KCNK1: variants seen among roughly 807,000 people sequenced by gnomAD.
KCNK1 encodes potassium two pore domain channel subfamily K member 1.
KCNK1 carries 10 observed loss-of-function variants against 22.2 expected under a neutral mutation model. That is an observed-to-expected ratio of 0.45 (90% CI 0.28 to 0.76). The LOEUF (loss-of-function observed/expected upper bound fraction) is 0.76, where lower values mean the gene tolerates loss of function less well. Among genes scored for constraint, KCNK1 ranks in the 30% least tolerant of loss-of-function variants. KCNK1 has a pLI of 0.14. For synonymous variants in KCNK1, 200 were observed against 186.4 expected, an observed-to-expected ratio of 1.07 and a Z score of -0.60; for missense variants, 378 against 421.0, an observed-to-expected ratio of 0.90 and a Z score of 0.89.
intron 1 of KCNK1, among the ~76,000 whole-genome samples, chr1:233,654,957 C>T (rs1658264169): frequency 6.6e-6 from 1 of 152,206 alleles, no homozygotes; most frequent in South Asian, 2.1e-4. Context: ...AGAGCCCTTA[C>T]TAGAGCAACA....
chr1:233,617,459 T>C (rs539547502), intron 1 of KCNK1, among the ~76,000 whole-genome samples: 7 of 152,330 alleles, frequency 4.6e-5, no homozygotes, highest in Admixed American at 3.9e-4. Context: ...GCCGGGGAAC[T>C]TATAATAAAA....
At chr1:233,629,612 A>G (rs1439494382) in intron 1 of KCNK1, 1 of 152,154 alleles carries the variant, frequency 6.6e-6, no homozygotes, top group African/African-American at 2.4e-5. Flanking sequence ...ACCGTGATAA[A>G]TAGCCTGTCC....
chr1:233,656,443 A>G (rs944755359), intron 1 of KCNK1, among the ~76,000 whole-genome samples: 22 of 152,286 alleles, frequency 1.4e-4, no homozygotes, highest in Non-Finnish European at 2.6e-4. Flanking sequence ...AGGTTACTGC[A>G]GGCAGTGTCA....
intron 1 of KCNK1, among the ~76,000 whole-genome samples, chr1:233,651,240 A>G (rs1190386164): frequency 6.6e-6 from 1 of 152,202 alleles, no homozygotes; most frequent in Admixed American, 6.5e-5. Flanking sequence ...AGTTGCCTGC[A>G]CAGCATCTAT....
At chr1:233,631,127 G>A (rs16859332) in intron 1 of KCNK1, 12,980 of 402,508 alleles carry the variant, frequency 0.032, 373 homozygotes, top group African/African-American at 0.1. Flanking sequence ...GGAAAAGACC[G>A]TGCCTCATCT....
intron 2 of KCNK1, among the ~76,000 whole-genome samples, 191 bp from the exon 3 acceptor site, chr1:233,671,080 T>A (rs372188067): frequency 6.6e-6 from 1 of 152,220 alleles, no homozygotes; most frequent in East Asian, 1.9e-4. Context: ...CTTCATTGTC[T>A]TTCACTCTTT....
intron 1 of KCNK1, among the ~76,000 whole-genome samples, chr1:233,661,048 A>G (rs183410743): frequency 1.3e-4 from 20 of 152,310 alleles, no homozygotes; most frequent in South Asian, 4.1e-4. Context: ...AAGGTTCACA[A>G]TTATTCTGCA....
intron 1 of KCNK1, among the ~76,000 whole-genome samples, chr1:233,656,714 C>A (rs1279623751): frequency 6.6e-6 from 1 of 152,290 alleles, no homozygotes; most frequent in East Asian, 1.9e-4. Flanking sequence ...AACCTCCCAG[C>A]CTCAATTGAT....
At chr1:233,641,507 A>T (rs1657998737) in intron 1 of KCNK1, among the ~76,000 whole-genome samples, 1 of 152,200 alleles carries the variant, frequency 6.6e-6, no homozygotes, top group African/African-American at 2.4e-5. Context: ...AATGGCTTAA[A>T]TTTATAGGAG....
intron 1 of KCNK1, chr1:233,655,861 A>G (rs1290980587): frequency 6.6e-6 from 1 of 151,628 alleles, no homozygotes; most frequent in Admixed American, 6.6e-5. Flanking sequence ...CAGCTTGAAC[A>G]GACTAAGATA....
At chr1:233,654,102 G>A (rs1280388317) in intron 1 of KCNK1, among the ~76,000 whole-genome samples, 1 of 151,922 alleles carries the variant, frequency 6.6e-6, no homozygotes, top group African/African-American at 2.4e-5. Context: ...ATCATGAACA[G>A]AACGTTGGCA....
chr1:233,619,168 C>G (rs1487442308), intron 1 of KCNK1, among the ~76,000 whole-genome samples: 2 of 152,108 alleles, frequency 1.3e-5, no homozygotes, highest in Admixed American at 1.3e-4. Flanking sequence ...CAGGCGCACA[C>G]CACCGCACCT....
chr1:233,650,482 A>T (rs544571543), intron 1 of KCNK1, among the ~76,000 whole-genome samples: 3 of 152,292 alleles, frequency 2.0e-5, no homozygotes, highest in Admixed American at 2.0e-4. Context: ...AGCTAGGAAG[A>T]GTGTGGCCAA....
chr1:233,637,148 A>T (rs1309327703), intron 1 of KCNK1: 1 of 146,854 alleles, frequency 6.8e-6, no homozygotes, highest in African/African-American at 2.5e-5. Flanking sequence ...GTGAGCCAAG[A>T]TCGTGCCACT....
chr1:233,670,238 T>C (rs962008450), intron 2 of KCNK1, among the ~76,000 whole-genome samples: 8 of 152,170 alleles, frequency 5.3e-5, no homozygotes, highest in African/African-American at 1.9e-4. Context: ...ATTTTCCCAG[T>C]AACAAACTGG....
intron 1 of KCNK1, among the ~76,000 whole-genome samples, chr1:233,656,948 C>CTT (rs1290396525): frequency 4.6e-5 from 7 of 152,276 alleles, no homozygotes; most frequent in African/African-American, 1.7e-4. Flanking sequence ...CTTTTATTTA[C>CTT]TTTTTTTGGT....
intron 1 of KCNK1, among the ~76,000 whole-genome samples, chr1:233,627,634 A>G (rs1225531659): frequency 6.6e-6 from 1 of 152,088 alleles, no homozygotes; most frequent in East Asian, 1.9e-4. Flanking sequence ...GCGGGTGCGG[A>G]TGAGCTGAGC....
intron 2 of KCNK1, among the ~76,000 whole-genome samples, chr1:233,668,314 A>G (rs1476398750): frequency 1.3e-5 from 2 of 152,338 alleles, no homozygotes; most frequent in South Asian, 2.1e-4. Context: ...CAAAATGCTT[A>G]GTTGAATTGT....
chr1:233,614,572 A>G, intron 1 of KCNK1, 46 bp downstream of exon 1: 2 of 1,441,204 alleles, frequency 1.4e-6, no homozygotes, highest in Non-Finnish European at 1.9e-6. Flanking sequence ...CACCTCGCCC[A>G]CAACCCACAC....
Sources: allele counts gnomAD v4.1 joint callset (sites outside exome capture counted in the v4.1 genomes callset), GRCh38; gene constraint gnomAD v4.1.1; transcripts MANE v1.5; gene names NCBI Gene and HGNC (gene_info 2026-07-23, HGNC 2026-07-21).